The following GSS variants were observed in gnomAD, a reference collection of about 807,000 sequenced individuals.
The protein encoded by GSS is glutathione synthetase.
Under a neutral mutation model 60.4 loss-of-function variants are expected in GSS, and 34 were observed. The ratio of observed to expected loss-of-function variants is 0.56; its 90% CI spans 0.43 to 0.75. GSS has a LOEUF of 0.75. Ranked by LOEUF, GSS falls within the 30% of genes least tolerant of loss-of-function variation. The pLI is 0.00. For synonymous variants in GSS, 224 were observed against 239.0 expected (o/e 0.94, Z 0.58); for missense variants, 499 against 595.1 (o/e 0.84, Z 1.68).
rs35242933 is a variant in GSS, at chr20:34,953,072, G to C, written c.-8-1212C>G. On this transcript the variant is annotated intron_variant, in intron 1 of 12. Coordinates refer to ENST00000651619, the MANE Select transcript of GSS (RefSeq NM_000178.4). ...ATGTAATAGGAGAAGTTGTCTGATT[G>C]GTTGCCCAGAGACATACAGAGGTGT... Among the ~76,000 whole-genome samples the C allele has an allele frequency of 4.3e-3, 651 of 152,288 alleles. 3 individuals carry two copies. The highest frequency in any genetic ancestry group is 0.015 in the African/African-American group (626 of 41,572).
chr20:34,932,029 C>T lies in GSS; in HGVS notation c.939G>A (p.Arg313=). Reference sequence around the variant, plus strand: ...GGAGCAACATCTCCAGCATGCCCGGCCTGCTTAGCTCCTGCTGCACCTTCT... The same window carrying T: ...GGAGCAACATCTCCAGCATGCCCGGTCTGCTTAGCTCCTGCTGCACCTTCT... The part of the protein sequence containing the change: ...GTKKVQQELS[R]PGMLEMLLPG... Residue 313 remains arginine, a synonymous_variant, in exon 10 of 13, where the codon AGG becomes AGA. Coordinates refer to ENST00000651619, the MANE Select transcript of GSS (RefSeq NM_000178.4). 6.2e-7 allele frequency: 1 copy of T among 1,614,222 alleles called. No individual in the cohort carries two copies. The highest frequency in any genetic ancestry group is 8.5e-7 in the Non-Finnish European group (1 of 1,180,026).
intron 9 of GSS, among the ~76,000 whole-genome samples, chr20:34,932,416 T>G (rs1166776491): frequency 2.0e-5 from 3 of 152,178 alleles, no homozygotes; most frequent in South Asian, 4.1e-4. Context: ...TCCCACTGTG[T>G]TCCATACTCC....
intron 1 of GSS, among the ~76,000 whole-genome samples, chr20:34,953,614 TTC>T (rs957365914): frequency 8.1e-6 from 1 of 123,462 alleles, no homozygotes; most frequent in Non-Finnish European, 1.8e-5. Context: ...CCCTCCCTCT[TTC>T]TTTCTTTTTT....
At chr20:34,935,924 AT>A in intron 8 of GSS, among the ~76,000 whole-genome samples, 1 of 152,342 alleles carries the variant, frequency 6.6e-6, no homozygotes, top group East Asian at 1.9e-4. Context: ...CTAGAATCAA[AT>A]TTGGTAAATG....
At chr20:34,943,544 A>G (rs1031024444) in intron 3 of GSS, among the ~76,000 whole-genome samples, 1 of 151,996 alleles carries the variant, frequency 6.6e-6, no homozygotes, top group Non-Finnish European at 1.5e-5. Flanking sequence ...CTGTGCACCA[A>G]TAAGATTTTT....
At chr20:34,929,372 G>A in intron 12 of GSS, 29 bp downstream of exon 12, 2 of 1,589,114 alleles carry the variant, frequency 1.3e-6, no homozygotes, top group Non-Finnish European at 1.7e-6. Context: ...CAAGCAGGTA[G>A]TGGAAAGAGC....
At chr20:34,938,738 T>G (rs1046770911) in intron 6 of GSS, among the ~76,000 whole-genome samples, 2 of 152,192 alleles carry the variant, frequency 1.3e-5, no homozygotes, top group African/African-American at 4.8e-5. Context: ...AGAAAACATA[T>G]TTGACCTCTC....
intron 2 of GSS, 48 bp from the exon 3 acceptor site, chr20:34,946,146 G>A (rs374306634): frequency 1.8e-5 from 27 of 1,521,106 alleles, no homozygotes; most frequent in Admixed American, 5.3e-5. Context: ...ACCTGTGAAC[G>A]GGTTGTCTTC....
chr20:34,944,445 T>C (rs1334893064), intron 3 of GSS, among the ~76,000 whole-genome samples: 7 of 152,190 alleles, frequency 4.6e-5, no homozygotes, highest in Admixed American at 2.0e-4. Context: ...TCATGACTCA[T>C]TGGGTTTTTG....
chr20:34,950,682 T>C (rs2147135837), intron 2 of GSS, among the ~76,000 whole-genome samples: 1 of 151,924 alleles, frequency 6.6e-6, no homozygotes, highest in East Asian at 1.9e-4. Context: ...GGTGGGAGAA[T>C]TGCTTGAACC....
intron 9 of GSS, among the ~76,000 whole-genome samples, chr20:34,935,337 G>C (rs140593127): frequency 6.6e-6 from 1 of 152,308 alleles, no homozygotes; most frequent in East Asian, 1.9e-4. Context: ...CACATCTCTG[G>C]AAACAGTGTA....
At chr20:34,953,930 CTG>C (rs1285452540) in intron 1 of GSS, among the ~76,000 whole-genome samples, 1 of 152,050 alleles carries the variant, frequency 6.6e-6, no homozygotes. Context: ...AGTAAGATTG[CTG>C]TGTGGATTAA....
At chr20:34,953,408 TTGAG>T (rs1315866969) in intron 1 of GSS, among the ~76,000 whole-genome samples, 1 of 152,196 alleles carries the variant, frequency 6.6e-6, no homozygotes, top group Non-Finnish European at 1.5e-5. Flanking sequence ...AATATCCCTG[TTGAG>T]TGAGACATAC....
At chr20:34,932,169 A>C in intron 9 of GSS, 36 bp from the exon 10 acceptor site, 1 of 1,537,146 alleles carries the variant, frequency 6.5e-7, no homozygotes, top group South Asian at 1.1e-5. Context: ...ATTCGACTTT[A>C]TTTTACTTCA....
intron 1 of GSS, among the ~76,000 whole-genome samples, chr20:34,953,920 A>G (rs1252341409): frequency 6.6e-6 from 1 of 152,086 alleles, no homozygotes; most frequent in African/African-American, 2.4e-5. Flanking sequence ...TTCCCTTTCA[A>G]GTAAGATTGC....
At chr20:34,929,615 C>G (rs375485782) in intron 11 of GSS, 25 bp from the exon 12 acceptor site, 21 of 1,598,130 alleles carry the variant, frequency 1.3e-5, no homozygotes, top group Non-Finnish European at 1.6e-5. Flanking sequence ...GCCAGTCACC[C>G]TGGACCCTCT....
At chr20:34,948,503 T>C (rs1010664421) in intron 2 of GSS, among the ~76,000 whole-genome samples, 1 of 152,132 alleles carries the variant, frequency 6.6e-6, no homozygotes, top group Non-Finnish European at 1.5e-5. Flanking sequence ...ATGACATTAC[T>C]GGCCGGGCAC....
chr20:34,943,207 A>C (rs767854730), intron 3 of GSS, among the ~76,000 whole-genome samples: 8 of 152,168 alleles, frequency 5.3e-5, no homozygotes, highest in South Asian at 2.1e-4. Context: ...ACTCACTAGT[A>C]GGCAACCTCA....
chr20:34,933,580 A>T (rs7262107), intron 9 of GSS: 3,614 of 153,416 alleles, frequency 0.024, 127 homozygotes, highest in African/African-American at 0.083. Context: ...CAGCAGGATC[A>T]GGTCTCTCCT....
Sources: gnomAD v4.1 joint callset for allele counts (sites outside exome capture counted in the v4.1 genomes callset) on GRCh38, gnomAD v4.1.1 for gene constraint, MANE v1.5 for transcripts, NCBI Gene and HGNC (gene_info 2026-07-23, HGNC 2026-07-21) for gene names.